TTLL1: variants seen among roughly 807,000 people sequenced by gnomAD.
The protein encoded by TTLL1 is TTL family tubulin polyglutamylase complex subunit L1, also known as polyglutamylase complex subunit TTLL1.
Under a neutral mutation model 47.8 loss-of-function variants are expected in TTLL1, and 33 were observed. The ratio of observed to expected loss-of-function variants is 0.69; its 90% CI spans 0.52 to 0.92. The LOEUF is 0.92. Among genes scored for constraint, TTLL1 ranks in the 40% least tolerant of loss-of-function variants. The pLI is 0.00. For synonymous variants in TTLL1, 225 were observed against 214.1 expected (o/e 1.05, Z -0.45); for missense variants, 488 against 547.5 (o/e 0.89, Z 1.08).
At chr22:43,057,406 G>C (rs4820505) in intron 8 of TTLL1, among the ~76,000 whole-genome samples, 2 of 151,980 alleles carry the variant, frequency 1.3e-5, no homozygotes, top group East Asian at 3.9e-4. Context: ...CACTGTGCCC[G>C]GCCAATTTCA....
At position 43,068,521 on chromosome 22, in the gene TTLL1, G is replaced by A. The variant is rs754256538; in HGVS notation, c.392C>T (p.Pro131Leu). ...NLFVEEFRKSPSSTWIMKPCG... is the reference protein window; with the variant it reads ...NLFVEEFRKSLSSTWIMKPCG... ...AGGCTTCATGATCCAGGTGCTGGAC[G>A]GGCTCTTCCGGAACTCCTCTACAAA... Residue 131 changes from proline (P) to leucine (L), a missense_variant, in exon 5 of 11, where the codon CCG (proline) becomes CTG (leucine). Coordinates refer to ENST00000266254, the MANE Select transcript of TTLL1 (RefSeq NM_012263.5). 2.9e-5 allele frequency: 45 copies of A among 1,569,930 alleles called. No homozygotes were observed. The East Asian group carries it at 4.3e-4, about 15-fold the overall frequency.
At chr22:43,050,225 G>A (rs1483464686) in intron 9 of TTLL1, among the ~76,000 whole-genome samples, 3 of 151,944 alleles carry the variant, frequency 2.0e-5, no homozygotes, top group Non-Finnish European at 4.4e-5. Context: ...AGACCAGCCT[G>A]ACCAAAATGG....
Position 43,059,430 on chromosome 22 carries a change from A to G in TTLL1, c.845T>C (p.Phe282Ser). 1 of 1,614,028 alleles carries G rather than the reference A, an allele frequency of 6.2e-7. No homozygotes were observed. Among genetic ancestry groups the G allele is most frequent in the Non-Finnish European group, 8.5e-7 (1 of 1,179,974 alleles). Residue 282 changes from phenylalanine to serine, a missense_variant, in exon 8 of 11, where the codon TTC (phenylalanine) becomes TCC (serine). Coordinates refer to ENST00000266254, the MANE Select transcript of TTLL1 (RefSeq NM_012263.5). ...TRGKEVTSKL[F>S]DEIHWIIVQS... ...CACGATGATCCAGTGGATCTCGTCGAACAGCTTGCTGGTCACCTCCTTGCC... is the reference window on the plus strand; with the variant it reads ...CACGATGATCCAGTGGATCTCGTCGGACAGCTTGCTGGTCACCTCCTTGCC...
intron 3 of TTLL1, chr22:43,070,203 T>G (rs1928023094): frequency 7.5e-7 from 1 of 1,339,904 alleles, no homozygotes; most frequent in Admixed American, 2.2e-5. Context: ...GAAACTCATT[T>G]AAACAGGATC....
chr22:43,055,266 C>T (rs1366708137), intron 8 of TTLL1, among the ~76,000 whole-genome samples: 1 of 151,608 alleles, frequency 6.6e-6, no homozygotes, highest in Non-Finnish European at 1.5e-5. Flanking sequence ...TCATGTGATC[C>T]GCCCACCTCA....
At chr22:43,087,461 T>A (rs1043107850) in intron 1 of TTLL1, among the ~76,000 whole-genome samples, 15 of 150,898 alleles carry the variant, frequency 9.9e-5, no homozygotes, top group African/African-American at 3.2e-4. Flanking sequence ...GAGGTGGAGG[T>A]TGCAGTGAGC....
intron 8 of TTLL1, among the ~76,000 whole-genome samples, chr22:43,058,022 C>T (rs968034476): frequency 6.6e-6 from 1 of 151,768 alleles, no homozygotes; most frequent in African/African-American, 2.4e-5. Flanking sequence ...CGGCTCACTG[C>T]AAGCTCTGCC....
intron 7 of TTLL1, among the ~76,000 whole-genome samples, chr22:43,061,761 AG>A (rs1424076517): frequency 1.3e-5 from 2 of 151,996 alleles, no homozygotes; most frequent in Admixed American, 1.3e-4. Context: ...GCGTCCTTTC[AG>A]CCCCTGTAAT....
chr22:43,068,478 TC>T lies in TTLL1; in HGVS notation c.434del (p.Gly145GlufsTer35). The stretch of plus-strand genomic sequence containing the variant: ...GCTTGTTGATAAGGAAGATGCCCTT[TC>T]CCTGGGCCTTGCCACAAGGCTTCAT... ...WIMKPCGKAQ[G>X]KGIFLINKLS... On this transcript the variant is annotated frameshift_variant, in exon 5 of 11. Coordinates refer to ENST00000266254, the MANE Select transcript of TTLL1 (RefSeq NM_012263.5). LOFTEE classifies it high-confidence loss of function. The T allele has an allele frequency of 6.3e-7, 1 of 1,579,068 alleles. No homozygotes were observed. The highest frequency in any genetic ancestry group is 8.7e-7 in the Non-Finnish European group (1 of 1,153,660).
chr22:43,049,774 G>GAAA lies in TTLL1; in HGVS notation c.978+2024_978+2026dup, dbSNP rs373017201. Reference sequence around the variant, plus strand: ...CAGAGTGGGACCCTGTCTCAAGACAGAAAAAAAAAAAGAAAAGAAAAAAAA... The same window carrying GAAA: ...CAGAGTGGGACCCTGTCTCAAGACAGAAAAAAAAAAAAAAGAAAAGAAAAAAAA... On this transcript the variant is annotated intron_variant, in intron 9 of 10. Transcript: ENST00000266254. 3.1e-3 allele frequency among the ~76,000 whole-genome samples: 343 copies of GAAA among 112,276 alleles called. 1 individual carries two copies. Among genetic ancestry groups the GAAA allele is most frequent in the Non-Finnish European group, 5.1e-3 (280 of 54,700 alleles). 73.7% of individuals were successfully genotyped at this position (112,276 alleles called of 152,430 possible).
intron 5 of TTLL1, among the ~76,000 whole-genome samples, chr22:43,067,176 C>G (rs1452797361): frequency 6.6e-6 from 1 of 152,206 alleles, no homozygotes; most frequent in African/African-American, 2.4e-5. Flanking sequence ...ACCCAGGCCC[C>G]TGGGCTTGCC....
intron 8 of TTLL1, among the ~76,000 whole-genome samples, chr22:43,052,794 G>A (rs1311850355): frequency 6.6e-6 from 1 of 150,970 alleles, no homozygotes; most frequent in East Asian, 2.0e-4. Context: ...CGCAGTGGCT[G>A]ATGTCTGTAA....
At chr22:43,078,735 T>C (rs1442823148) in intron 2 of TTLL1, among the ~76,000 whole-genome samples, 1 of 152,004 alleles carries the variant, frequency 6.6e-6, no homozygotes, top group Non-Finnish European at 1.5e-5. Context: ...AGGTGCTGTA[T>C]AAAGGACTGC....
chr22:43,088,217 C>G (rs1401354397), intron 1 of TTLL1, among the ~76,000 whole-genome samples: 1 of 151,586 alleles, frequency 6.6e-6, no homozygotes, highest in East Asian at 1.9e-4. Context: ...CATTCGTTCA[C>G]AGCGGTATTG....
In TTLL1 at chr22:43,064,324, C is replaced by A; in HGVS notation, c.504G>T (p.Ser168=). The A allele has an allele frequency of 6.2e-7, 1 of 1,608,244 alleles. No individual in the cohort carries two copies. The highest frequency in any genetic ancestry group is 8.5e-7 in the Non-Finnish European group (1 of 1,178,312). Residue 168 remains serine (S), a splice_region_variant and synonymous_variant, in exon 6 of 11, where the codon TCG becomes TCT. Coordinates refer to ENST00000266254, the MANE Select transcript of TTLL1 (RefSeq NM_012263.5). The part of the protein sequence containing the change: ...KKWSRDSKTS[S]FVSQSNKEAY... ...CTTCCTTATTAGATTGAGACACAAA[C>A]CTAAACATGGCAGAGAAAGTAAAAA... is the stretch of plus-strand genomic sequence containing the variant.
intron 10 of TTLL1, among the ~76,000 whole-genome samples, chr22:43,045,030 T>G (rs534267391): frequency 1.3e-5 from 2 of 152,202 alleles, no homozygotes; most frequent in South Asian, 4.1e-4. Context: ...ACCCGGCTAA[T>G]TTTTGTATTT....
At chr22:43,046,007 G>C (rs1261896663) in intron 10 of TTLL1, among the ~76,000 whole-genome samples, 1 of 152,102 alleles carries the variant, frequency 6.6e-6, no homozygotes, top group African/African-American at 2.4e-5. Context: ...AATCACTTGA[G>C]GTCAGGAGTT....
intron 7 of TTLL1, among the ~76,000 whole-genome samples, chr22:43,063,241 A>T (rs1286065394): frequency 2.0e-5 from 3 of 152,148 alleles, no homozygotes; most frequent in Non-Finnish European, 4.4e-5. Flanking sequence ...GCCCGAGGCC[A>T]CAGAACTAGA....
At chr22:43,077,063 TG>T (rs1928554699) in intron 2 of TTLL1, among the ~76,000 whole-genome samples, 2 of 151,854 alleles carry the variant, frequency 1.3e-5, no homozygotes, top group Non-Finnish European at 2.9e-5. Flanking sequence ...ATCGCACCAC[TG>T]CACTCCAGCC....
Sources: gnomAD v4.1 joint callset for allele counts (sites outside exome capture counted in the v4.1 genomes callset) on GRCh38, gnomAD v4.1.1 for gene constraint, MANE v1.5 for transcripts, NCBI Gene and HGNC (gene_info 2026-07-23, HGNC 2026-07-21) for gene names.